The following CPQ variants were observed in gnomAD, a reference collection of about 807,000 sequenced individuals.
CPQ encodes the protein carboxypeptidase Q.
CPQ carries 37 observed loss-of-function variants against 45.7 expected under a neutral mutation model. That is an observed-to-expected ratio of 0.81 (90% CI 0.62 to 1.07). CPQ has a LOEUF of 1.07. CPQ is among the 50% of genes least tolerant of loss of function. The probability of loss-of-function intolerance (pLI) is 0.00; values close to 1 mark genes in which losing one functional copy is unlikely to be tolerated. For synonymous variants in CPQ, 186 were observed against 205.8 expected (o/e 0.90, Z 0.82); for missense variants, 537 against 572.9 (o/e 0.94, Z 0.64).
chr8:97,014,717 A>G (rs901828676), intron 5 of CPQ, among the ~76,000 whole-genome samples: 9 of 152,124 alleles, frequency 5.9e-5, no homozygotes, highest in Admixed American at 3.3e-4. Context: ...AATGTGACCA[A>G]TAATTAAAAA....
chr8:97,109,077 C>A (rs1811458074), intron 7 of CPQ, among the ~76,000 whole-genome samples: 1 of 152,218 alleles, frequency 6.6e-6, no homozygotes, highest in Non-Finnish European at 1.5e-5. Flanking sequence ...TACTTACCAA[C>A]TTTCTTGTAC....
chr8:96,986,867 G>T (rs1223803111), intron 5 of CPQ, among the ~76,000 whole-genome samples: 1 of 152,102 alleles, frequency 6.6e-6, no homozygotes, highest in Non-Finnish European at 1.5e-5. Context: ...GGAGAAAAAG[G>T]CATTAAGTGA....
At chr8:96,950,591 C>G (rs1813248293) in intron 4 of CPQ, among the ~76,000 whole-genome samples, 1 of 152,094 alleles carries the variant, frequency 6.6e-6, no homozygotes, top group Non-Finnish European at 1.5e-5. Flanking sequence ...CATTTCCCAG[C>G]CCCCTACCAC....
intron 1 of CPQ, among the ~76,000 whole-genome samples, chr8:96,724,524 CA>C (rs1220215380): frequency 1.1e-4 from 16 of 151,232 alleles, no homozygotes; most frequent in Non-Finnish European, 1.8e-4. Context: ...CACACACACA[CA>C]CCCCTAGGAA....
rs181623568 is a variant in CPQ, at chr8:96,886,556, G to C, written c.849+6551G>C. Among the ~76,000 whole-genome samples the C allele has an allele frequency of 2.0e-3, 302 of 152,314 alleles. 2 individuals are homozygous for C. Among genetic ancestry groups the C allele is most frequent in the African/African-American group, 6.7e-3 (280 of 41,558 alleles). The stretch of plus-strand genomic sequence containing the variant: ...AAATAGTCTTAGAGGCAGAGACAGA[G>C]AGTAGGGATCCTAGAGATTTAGTAC... On this transcript the variant is annotated intron_variant, in intron 4 of 7. Coordinates refer to ENST00000220763, the MANE Select transcript of CPQ (RefSeq NM_016134.4).
chr8:96,941,410 C>T (rs1813121633), intron 4 of CPQ, among the ~76,000 whole-genome samples: 1 of 152,108 alleles, frequency 6.6e-6, no homozygotes, highest in African/African-American at 2.4e-5. Context: ...ATCTTTTGTC[C>T]TGACTGGCTT....
intron 3 of CPQ, among the ~76,000 whole-genome samples, chr8:96,839,678 T>C (rs1487688796): frequency 1.3e-5 from 2 of 152,172 alleles, no homozygotes; most frequent in African/African-American, 2.4e-5. Flanking sequence ...GTGAATTCCA[T>C]GTGTTTTTTG....
intron 1 of CPQ, among the ~76,000 whole-genome samples, chr8:96,759,244 G>T (rs1278488266): frequency 6.6e-6 from 1 of 152,046 alleles, no homozygotes; most frequent in Non-Finnish European, 1.5e-5. Context: ...GCTTTCAGGA[G>T]GCTCAAATTG....
intron 6 of CPQ, among the ~76,000 whole-genome samples, chr8:97,049,485 G>C (rs539818995): frequency 6.6e-6 from 1 of 152,252 alleles, no homozygotes; most frequent in South Asian, 2.1e-4. Context: ...ACCATTAACA[G>C]CTCCCCAGTT....
intron 4 of CPQ, among the ~76,000 whole-genome samples, chr8:96,960,699 C>T (rs1813445329): frequency 6.6e-6 from 1 of 152,132 alleles, no homozygotes; most frequent in Non-Finnish European, 1.5e-5. Context: ...TATACCATTG[C>T]TTTGCTTTTC....
At chr8:96,737,377 T>C in intron 1 of CPQ, among the ~76,000 whole-genome samples, 1 of 147,450 alleles carries the variant, frequency 6.8e-6, no homozygotes, top group South Asian at 2.1e-4. Context: ...TATGAGTTTA[T>C]TAAGTATTAA....
chr8:96,718,239 G>A (rs568366211), intron 1 of CPQ, among the ~76,000 whole-genome samples: 7 of 152,296 alleles, frequency 4.6e-5, no homozygotes, highest in African/African-American at 9.6e-5. Context: ...TGTTGTGTCC[G>A]GAATTGGTGG....
chr8:97,134,245 C>G (rs2130625973), intron 7 of CPQ, among the ~76,000 whole-genome samples: 1 of 152,298 alleles, frequency 6.6e-6, no homozygotes, highest in African/African-American at 2.4e-5. Flanking sequence ...GGTGAAAAAG[C>G]CCCTGCTCTT....
Position 97,066,147 on chromosome 8 carries a change from A to C in CPQ, c.1192A>C (p.Thr398Pro), listed in dbSNP as rs376228942. Residue 398 changes from threonine (T) to proline (P), a missense_variant, in exon 7 of 8, where the codon ACT becomes CCT. Thr to Pro is a conservative substitution (Grantham distance 38). Transcript: ENST00000220763. The stretch of plus-strand genomic sequence containing the variant: ...GAGCCTGCTGCAGCCCCTCAATATC[A>C]CTCAGGTCCTGAGCCATGGAGAAGG... ...VMSLLQPLNI[T>P]QVLSHGEGTD... 3.7e-6 allele frequency: 6 copies of C among 1,611,498 alleles called. No individual in the cohort carries two copies. Among genetic ancestry groups the C allele is most frequent in the Non-Finnish European group, 5.1e-6 (6 of 1,179,320 alleles).
At chr8:96,915,039 T>C (rs1354474446) in intron 4 of CPQ, among the ~76,000 whole-genome samples, 1 of 152,160 alleles carries the variant, frequency 6.6e-6, no homozygotes, top group Non-Finnish European at 1.5e-5. Flanking sequence ...AGGATGTCAG[T>C]TTCCAGGGTT....
chr8:97,099,354 C>T lies in CPQ; in HGVS notation c.1255+33144C>T, dbSNP rs562469649. ...CCATGTTGGCCAGGCTGGTCTCGAA[C>T]TCCTGACCTCAGGCGATCCATCCAC... On this transcript the variant is annotated intron_variant, in intron 7 of 7. Coordinates refer to ENST00000220763, the MANE Select transcript of CPQ (RefSeq NM_016134.4). Among the ~76,000 whole-genome samples the T allele has an allele frequency of 2.0e-5, 3 of 151,856 alleles. No homozygotes were observed. The East Asian group carries it at 5.8e-4, about 30-fold the overall frequency.
chr8:96,758,957 A>ACC (rs1264102026), intron 1 of CPQ, among the ~76,000 whole-genome samples: 8 of 152,296 alleles, frequency 5.3e-5, no homozygotes, highest in Admixed American at 2.0e-4. Flanking sequence ...CAGCTTAATG[A>ACC]TGGGGATAGA....
rs193071015 is a variant in CPQ, at chr8:96,683,817, A to G, written c.-35+38415A>G. Among the ~76,000 whole-genome samples, 134 of 147,534 alleles carry G rather than the reference A, an allele frequency of 9.1e-4. 1 individual carries two copies. In the Middle Eastern group the frequency reaches 0.011, roughly 12 times the overall value. On this transcript the variant is annotated intron_variant, in intron 1 of 7. Coordinates refer to ENST00000220763, the MANE Select transcript of CPQ (RefSeq NM_016134.4). Reference sequence around the variant, plus strand: ...TCAGCAGTTCTTTTCTGTGCTTGGTATACTCTATTGTAGAAGCTCTTGATT... The same window carrying G: ...TCAGCAGTTCTTTTCTGTGCTTGGTGTACTCTATTGTAGAAGCTCTTGATT...
At chr8:96,942,742 C>A (rs1019315474) in intron 4 of CPQ, among the ~76,000 whole-genome samples, 2 of 152,142 alleles carry the variant, frequency 1.3e-5, no homozygotes, top group African/African-American at 4.8e-5. Flanking sequence ...GGGACCCATG[C>A]TCAGATTCTG....
Sources: gnomAD v4.1 joint callset for allele counts (sites outside exome capture counted in the v4.1 genomes callset) on GRCh38, gnomAD v4.1.1 for gene constraint, MANE v1.5 for transcripts, NCBI Gene and HGNC (gene_info 2026-07-23, HGNC 2026-07-21) for gene names.